Variants in LNX2 observed in about 807,000 individuals in gnomAD.
LNX2 encodes ligand of Numb protein X 2.
Under a neutral mutation model 66.2 loss-of-function variants are expected in LNX2, and 35 were observed. That is an observed-to-expected ratio of 0.53 (90% CI 0.40 to 0.70). The LOEUF is 0.70. Ranked by LOEUF, LNX2 falls within the 30% of genes least tolerant of loss-of-function variation. The probability of loss-of-function intolerance (pLI) is 0.00; values close to 1 mark genes in which losing one functional copy is unlikely to be tolerated. For missense variants in LNX2, 791 were observed against 850.8 expected, an observed-to-expected ratio of 0.93 and a Z score of 0.87; for synonymous variants, 337 against 315.6, an observed-to-expected ratio of 1.07 and a Z score of -0.72.
chr13:27,596,125 G>A (rs1955594641), intron 1 of LNX2, among the ~76,000 whole-genome samples: 1 of 152,006 alleles, frequency 6.6e-6, no homozygotes, highest in Non-Finnish European at 1.5e-5. Flanking sequence ...TTTTTTCAAT[G>A]AATTTATTAG....
intron 1 of LNX2, among the ~76,000 whole-genome samples, chr13:27,616,655 C>A (rs6491220): frequency 6.6e-6 from 1 of 152,074 alleles, no homozygotes; most frequent in African/African-American, 2.4e-5. Flanking sequence ...CTAGGAAGCA[C>A]ACATTCTAAA....
At chr13:27,586,598 A>C (rs1437810392) in intron 1 of LNX2, among the ~76,000 whole-genome samples, 1 of 152,258 alleles carries the variant, frequency 6.6e-6, no homozygotes, top group Non-Finnish European at 1.5e-5. Flanking sequence ...CAGCAAGTTT[A>C]GGTGAACAAA....
intron 1 of LNX2, among the ~76,000 whole-genome samples, chr13:27,594,961 T>C (rs1159834399): frequency 6.6e-6 from 1 of 152,196 alleles, no homozygotes; most frequent in African/African-American, 2.4e-5. Context: ...CAAAAAGCCA[T>C]GATACTATTT....
intron 1 of LNX2, among the ~76,000 whole-genome samples, chr13:27,597,645 G>T (rs1428465308): frequency 1.3e-5 from 2 of 152,014 alleles, no homozygotes; most frequent in Non-Finnish European, 2.9e-5. Context: ...AATAATGAAG[G>T]GGGGTAAAAC....
At chr13:27,565,681 C>T (rs759938536) in intron 4 of LNX2, among the ~76,000 whole-genome samples, 24 of 152,172 alleles carry the variant, frequency 1.6e-4, no homozygotes, top group African/African-American at 5.1e-4. Context: ...TTCCTGTATT[C>T]GTCTATTACA....
At chr13:27,615,992 C>T (rs1400856721) in intron 1 of LNX2, among the ~76,000 whole-genome samples, 10 of 152,092 alleles carry the variant, frequency 6.6e-5, no homozygotes, top group Admixed American at 6.5e-4. Flanking sequence ...TATCGTGAGC[C>T]AAATCTGAGT....
chr13:27,563,788 A>T (rs74760150), intron 4 of LNX2, among the ~76,000 whole-genome samples: 5,875 of 152,220 alleles, frequency 0.039, 137 homozygotes, highest in East Asian at 0.093. Flanking sequence ...TTGACTTAGG[A>T]TTGATAGTTG....
At chr13:27,603,204 A>G (rs1473519218) in intron 1 of LNX2, among the ~76,000 whole-genome samples, 1 of 152,202 alleles carries the variant, frequency 6.6e-6, no homozygotes, top group African/African-American at 2.4e-5. Context: ...TTAGATCAAT[A>G]ATATAAATTG....
At chr13:27,583,144 T>C (rs1459053937) in intron 1 of LNX2, among the ~76,000 whole-genome samples, 1 of 143,898 alleles carries the variant, frequency 6.9e-6, no homozygotes, top group Non-Finnish European at 1.5e-5. Context: ...CATACTTCGA[T>C]TTGGGCTTGC....
intron 6 of LNX2, among the ~76,000 whole-genome samples, chr13:27,557,703 T>A (rs1955080338): frequency 6.6e-6 from 1 of 152,082 alleles, no homozygotes; most frequent in African/African-American, 2.4e-5. Flanking sequence ...TCTAGGCCTA[T>A]CTACCCTTCT....
chr13:27,559,454 T>C (rs575238005), intron 6 of LNX2, among the ~76,000 whole-genome samples: 1 of 152,320 alleles, frequency 6.6e-6, no homozygotes, highest in East Asian at 1.9e-4. Context: ...TAAGCATAGA[T>C]TTGTCAATCT....
chr13:27,589,897 C>T (rs74040815), intron 1 of LNX2, among the ~76,000 whole-genome samples: 77 of 152,362 alleles, frequency 5.1e-4, no homozygotes, highest in African/African-American at 1.8e-3. Context: ...CCAGCACCTC[C>T]AACACGTGGG....
chr13:27,606,145 CAAAT>C lies in LNX2; in HGVS notation c.-101+14226_-101+14229del, dbSNP rs200000510. ...CCAATTAGCAAACAGATGTGTTAAA[CAAAT>C]AATTTTTAATTAAGCACAACTTGTA... On this transcript the variant is annotated intron_variant, in intron 1 of 9. Transcript: ENST00000316334. Among the ~76,000 whole-genome samples, 1,352 of 152,184 alleles carry C rather than the reference CAAAT, an allele frequency of 8.9e-3. 18 individuals carry two copies. Among genetic ancestry groups the C allele is most frequent in the African/African-American group, 0.031 (1,291 of 41,538 alleles).
chr13:27,596,219 A>T (rs560398714), intron 1 of LNX2, among the ~76,000 whole-genome samples: 2 of 152,296 alleles, frequency 1.3e-5, no homozygotes, highest in East Asian at 3.9e-4. Flanking sequence ...ATTAAGAAAA[A>T]GTTAGGTATG....
At chr13:27,588,817 A>T (rs1955520406) in intron 1 of LNX2, among the ~76,000 whole-genome samples, 1 of 152,200 alleles carries the variant, frequency 6.6e-6, no homozygotes, top group African/African-American at 2.4e-5. Context: ...AAAAAAACAA[A>T]CCCAGTAGAT....
chr13:27,609,736 G>A (rs780603432), intron 1 of LNX2, among the ~76,000 whole-genome samples: 2 of 152,108 alleles, frequency 1.3e-5, no homozygotes, highest in Non-Finnish European at 2.9e-5. Flanking sequence ...TCTACATTCT[G>A]CAAAAGGGAT....
intron 3 of LNX2, among the ~76,000 whole-genome samples, chr13:27,568,089 T>C (rs1449732614): frequency 6.6e-6 from 1 of 152,118 alleles, no homozygotes; most frequent in African/African-American, 2.4e-5. Context: ...GACGACACAG[T>C]GATCTGATTA....
At chr13:27,577,156 C>T (rs1022994970) in intron 2 of LNX2, among the ~76,000 whole-genome samples, 6 of 152,080 alleles carry the variant, frequency 3.9e-5, no homozygotes, top group African/African-American at 1.4e-4. Flanking sequence ...GCTTACTGGC[C>T]ACTTGAGTAT....
In LNX2 at chr13:27,586,277, G is replaced by A. The variant is rs547966189; in HGVS notation, c.-100-4474C>T. Among the ~76,000 whole-genome samples, 6 of 152,234 alleles carry A rather than the reference G, an allele frequency of 3.9e-5. No individual in the cohort carries two copies. In the East Asian group the frequency reaches 7.7e-4, roughly 20 times the overall value. On this transcript the variant is annotated intron_variant, in intron 1 of 9. Coordinates refer to ENST00000316334, the MANE Select transcript of LNX2 (RefSeq NM_153371.4). Reference sequence around the variant, plus strand: ...ATATAGTTACTTAGTAAGAAAGAAGGAAGATAAACCCATTCCTTCTGGCTT... The same window carrying A: ...ATATAGTTACTTAGTAAGAAAGAAGAAAGATAAACCCATTCCTTCTGGCTT...
Sources: gnomAD v4.1 joint callset for allele counts (sites outside exome capture counted in the v4.1 genomes callset) on GRCh38, gnomAD v4.1.1 for gene constraint, MANE v1.5 for transcripts, NCBI Gene and HGNC (gene_info 2026-07-23, HGNC 2026-07-21) for gene names.